Variants in GALNT18 observed in about 807,000 individuals in gnomAD.
GALNT18 encodes GalNAc-transferase 18.
Under a neutral mutation model 69.5 loss-of-function variants are expected in GALNT18, and 44 were observed. The observed-to-expected ratio is 0.63, with a 90% CI of 0.50 to 0.81. The LOEUF (loss-of-function observed/expected upper bound fraction) is 0.81. Among genes scored for constraint, GALNT18 ranks in the 40% least tolerant of loss-of-function variants. The pLI is 0.00. For synonymous variants in GALNT18, 364 were observed against 318.2 expected, an observed-to-expected ratio of 1.14 and a Z score of -1.53; for missense variants, 715 against 810.0, an observed-to-expected ratio of 0.88 and a Z score of 1.42.
At chr11:11,612,108 C>T (rs147498413) in intron 1 of GALNT18, among the ~76,000 whole-genome samples, 188 of 152,278 alleles carry the variant, frequency 1.2e-3, no homozygotes, top group Middle Eastern at 6.8e-3. Context: ...CTTCTTGGCT[C>T]TACCACCCAT....
rs1855989065 is a variant in GALNT18, at chr11:11,459,278, T to C, written c.236-10342A>G. The stretch of plus-strand genomic sequence containing the variant: ...TTTCTCTTCCTGGAATCCTCAGAGC[T>C]GCCAAAAGAACGAAGTGGAATCTGA... On this transcript the variant is annotated intron_variant, in intron 1 of 10. Coordinates refer to ENST00000227756, the MANE Select transcript of GALNT18 (RefSeq NM_198516.3). This position sits in a 1 kb window ranked among gnomAD's most constrained non-coding sequence, Gnocchi z 5.0. Among the ~76,000 whole-genome samples, 1 of 152,132 alleles carries C rather than the reference T, an allele frequency of 6.6e-6. No homozygotes were observed. The highest frequency in any genetic ancestry group is 2.1e-4 in the South Asian group (1 of 4,824).
In GALNT18 at chr11:11,613,683, T is replaced by A. The variant is rs974776485; in HGVS notation, c.235+7676A>T. Among the ~76,000 whole-genome samples, 1 of 152,178 alleles carries A rather than the reference T, an allele frequency of 6.6e-6. No individual in the cohort carries two copies. Among genetic ancestry groups the A allele is most frequent in the African/African-American group, 2.4e-5 (1 of 41,454 alleles). ...AATAACAATTGTAGGAGCCATGAAATGACCACATCCCTGCCAAATCCAAGG... is the reference window on the plus strand; with the variant it reads ...AATAACAATTGTAGGAGCCATGAAAAGACCACATCCCTGCCAAATCCAAGG... On this transcript the variant is annotated intron_variant, in intron 1 of 10. Coordinates refer to ENST00000227756, the MANE Select transcript of GALNT18 (RefSeq NM_198516.3). This position sits in a 1 kb window ranked among gnomAD's most constrained non-coding sequence, Gnocchi z 4.2.
At chr11:11,370,063 A>C (rs749516883) in intron 6 of GALNT18, among the ~76,000 whole-genome samples, 2 of 143,370 alleles carry the variant, frequency 1.4e-5, no homozygotes, top group Non-Finnish European at 3.0e-5. Flanking sequence ...CCCTAATTTC[A>C]CAGTATCTTA....
intron 1 of GALNT18, among the ~76,000 whole-genome samples, chr11:11,553,613 T>C (rs1858254025): frequency 1.3e-5 from 2 of 152,046 alleles, no homozygotes; most frequent in Admixed American, 6.5e-5. Flanking sequence ...GAAGGAGAAA[T>C]GGGAAAGCCC....
In GALNT18 at chr11:11,371,732, T is replaced by G. The variant is rs1241719206; in HGVS notation, c.1092+783A>C. Among the ~76,000 whole-genome samples, 3 of 152,130 alleles carry G rather than the reference T, an allele frequency of 2.0e-5. No homozygotes were observed. In the East Asian group the frequency reaches 5.8e-4, roughly 29 times the overall value. ...AGGCTTCCTTCTAGGACAAGATCCT[T>G]TGTTGTATCCATCATCACATTCCTG... On this transcript the variant is annotated intron_variant, in intron 6 of 10. Coordinates refer to ENST00000227756, the MANE Select transcript of GALNT18 (RefSeq NM_198516.3).
chr11:11,311,905 G>A (rs924728861), intron 9 of GALNT18, among the ~76,000 whole-genome samples: 2 of 152,324 alleles, frequency 1.3e-5, no homozygotes, highest in African/African-American at 4.8e-5. Flanking sequence ...TGCTGATCCT[G>A]AACAATGCAG....
At position 11,603,680 on chromosome 11, in the gene GALNT18, T is replaced by C. The variant is rs1859684617; in HGVS notation, c.235+17679A>G. The stretch of plus-strand genomic sequence containing the variant: ...CTCATTTTCTCTCCCTAAAAAGATC[T>C]ATGGATTTTATTGGATCCAGTGTTA... On this transcript the variant is annotated intron_variant, in intron 1 of 10. Transcript: ENST00000227756. The surrounding 1 kb of genome is among the most constrained non-coding windows in gnomAD (Gnocchi z 4.5). 6.6e-6 allele frequency among the ~76,000 whole-genome samples: 1 copy of C among 152,232 alleles called. No homozygotes were observed. The highest frequency in any genetic ancestry group is 2.4e-5 in the African/African-American group (1 of 41,462).
chr11:11,386,291 A>T (rs970447092), intron 3 of GALNT18, among the ~76,000 whole-genome samples: 2 of 152,144 alleles, frequency 1.3e-5, no homozygotes, highest in Non-Finnish European at 2.9e-5. Context: ...ATGTTCATTG[A>T]TGCCCATGGT....
At position 11,332,951 on chromosome 11, in the gene GALNT18, T is replaced by A. The variant is rs775777866; in HGVS notation, c.1279-120A>T. ...TTCCTAGAGACTGGGGAAGGGACCA[T>A]GTGGCACGTTAACTCTTGCATTTTC... is the stretch of plus-strand genomic sequence containing the variant. On this transcript the variant is annotated intron_variant, in intron 7 of 10. Transcript: ENST00000227756. This position sits in a 1 kb window ranked among gnomAD's most constrained non-coding sequence, Gnocchi z 4.3. The A allele has an allele frequency of 1.3e-5, 14 of 1,070,542 alleles. No individual in the cohort carries two copies. The highest frequency in any genetic ancestry group is 1.9e-5 in the Non-Finnish European group (14 of 726,128). 66.3% of individuals were successfully genotyped at this position (1,070,542 alleles called of 1,614,324 possible). A position where few individuals can be genotyped will look rare whatever the true frequency, so the allele number is the denominator to read the frequency against.
At chr11:11,378,399 C>T (rs973533073) in intron 4 of GALNT18, among the ~76,000 whole-genome samples, 1 of 152,210 alleles carries the variant, frequency 6.6e-6, no homozygotes, top group Non-Finnish European at 1.5e-5. Flanking sequence ...CAGGCCCAGG[C>T]AAAGTTACAC....
intron 3 of GALNT18, among the ~76,000 whole-genome samples, chr11:11,400,102 G>C (rs1050939304): frequency 5.3e-5 from 8 of 152,150 alleles, no homozygotes; most frequent in Non-Finnish European, 1.0e-4. Flanking sequence ...AACCATTCCA[G>C]CTTGGACACT....
intron 2 of GALNT18, among the ~76,000 whole-genome samples, chr11:11,437,618 C>T (rs892697295): frequency 2.6e-5 from 4 of 152,078 alleles, no homozygotes; most frequent in African/African-American, 7.2e-5. Context: ...CAGATAAGAC[C>T]TGGGGCGGTG....
intron 1 of GALNT18, among the ~76,000 whole-genome samples, chr11:11,462,297 G>A (rs938795896): frequency 1.4e-5 from 2 of 144,890 alleles, no homozygotes; most frequent in African/African-American, 2.5e-5. Flanking sequence ...TTTCCTTTGC[G>A]ATGGAGTCTT....
intron 1 of GALNT18, among the ~76,000 whole-genome samples, chr11:11,490,002 G>A (rs576252854): frequency 4.1e-4 from 63 of 152,234 alleles, no homozygotes; most frequent in African/African-American, 5.3e-4. Context: ...AAAAGCCTGC[G>A]TTGGAAACTT....
In GALNT18 at chr11:11,573,204, G is replaced by C. The variant is rs1014396570; in HGVS notation, c.235+48155C>G. ...CATGTTCATGTTCATTATGGTGGGC[G>C]GCCTTGACTCATACTTGACATGGAT... On this transcript the variant is annotated intron_variant, in intron 1 of 10. Transcript: ENST00000227756. The surrounding 1 kb of genome is among the most constrained non-coding windows in gnomAD (Gnocchi z 4.6). 6.6e-6 allele frequency among the ~76,000 whole-genome samples: 1 copy of C among 152,132 alleles called. No homozygotes were observed. Among genetic ancestry groups the C allele is most frequent in the African/African-American group, 2.4e-5 (1 of 41,412 alleles).
At position 11,582,004 on chromosome 11, in the gene GALNT18, A is replaced by C. The variant is rs1859100039; in HGVS notation, c.235+39355T>G. ...AGTTTACTGGAAGAGAAAGACAACAAATGAGTAATCTAGTATTTCCTAGTA... is the reference window on the plus strand; with the variant it reads ...AGTTTACTGGAAGAGAAAGACAACACATGAGTAATCTAGTATTTCCTAGTA... On this transcript the variant is annotated intron_variant, in intron 1 of 10. Coordinates refer to ENST00000227756, the MANE Select transcript of GALNT18 (RefSeq NM_198516.3). The surrounding 1 kb of genome is among the most constrained non-coding windows in gnomAD (Gnocchi z 5.0). 6.6e-6 allele frequency among the ~76,000 whole-genome samples: 1 copy of C among 152,002 alleles called. No homozygotes were observed. Among genetic ancestry groups the C allele is most frequent in the African/African-American group, 2.4e-5 (1 of 41,376 alleles).
In GALNT18 at chr11:11,603,389, T is replaced by C. The variant is rs898187494; in HGVS notation, c.235+17970A>G. Among the ~76,000 whole-genome samples, 8 of 152,026 alleles carry C rather than the reference T, an allele frequency of 5.3e-5. No individual in the cohort carries two copies. Among genetic ancestry groups the C allele is most frequent in the Non-Finnish European group, 7.4e-5 (5 of 68,016 alleles). On this transcript the variant is annotated intron_variant, in intron 1 of 10. Coordinates refer to ENST00000227756, the MANE Select transcript of GALNT18 (RefSeq NM_198516.3). The surrounding 1 kb of genome is among the most constrained non-coding windows in gnomAD (Gnocchi z 4.5). ...ACTGTATGTATGTGGCCAAAGGGAGTGTGGCCTGCCAAAGGTGGGGGAATG... is the reference window on the plus strand; with the variant it reads ...ACTGTATGTATGTGGCCAAAGGGAGCGTGGCCTGCCAAAGGTGGGGGAATG...
rs527465448 is a variant in GALNT18, at chr11:11,546,052, G to A, written c.235+75307C>T. ...GAACATTGGCAAACAAGCAGGATTA[G>A]GCCCCTCTTCTCCCCAGCCACTCAG... On this transcript the variant is annotated intron_variant, in intron 1 of 10. Coordinates refer to ENST00000227756, the MANE Select transcript of GALNT18 (RefSeq NM_198516.3). This position sits in a 1 kb window ranked among gnomAD's most constrained non-coding sequence, Gnocchi z 5.8. Among the ~76,000 whole-genome samples the A allele has an allele frequency of 6.9e-4, 105 of 152,196 alleles. No homozygotes were observed. Among genetic ancestry groups the A allele is most frequent in the African/African-American group, 2.4e-3 (99 of 41,536 alleles).
rs59480541 is a variant in GALNT18, at chr11:11,564,196, G to A, written c.235+57163C>T. On this transcript the variant is annotated intron_variant, in intron 1 of 10. Transcript: ENST00000227756. The surrounding 1 kb of genome is among the most constrained non-coding windows in gnomAD (Gnocchi z 4.3). ...AGTTTATAAGCTTCCACGCTAGAAC[G>A]TGTGACTGCAAGTCCCGGGTCCATA... 0.087 allele frequency among the ~76,000 whole-genome samples: 13,244 copies of A among 152,194 alleles called. 649 individuals are homozygous for A. The highest frequency in any genetic ancestry group is 0.14 in the Admixed American group (2,194 of 15,272).
Sources: allele counts gnomAD v4.1 joint callset (sites outside exome capture counted in the v4.1 genomes callset), GRCh38; gene constraint gnomAD v4.1.1; non-coding constraint Gnocchi (gnomAD v3.1); transcripts MANE v1.5; gene names NCBI Gene and HGNC (gene_info 2026-07-23, HGNC 2026-07-21).